SMAD7: variants seen among roughly 807,000 people sequenced by gnomAD.
SMAD7 encodes the protein SMAD family member 7.
In SMAD7, 8 loss-of-function variants were observed where a neutral mutation model predicts 38.7. The observed-to-expected ratio is 0.21, with a 90% CI of 0.12 to 0.37. The LOEUF is 0.37. SMAD7 is among the 10% of genes least tolerant of loss of function. The probability of loss-of-function intolerance (pLI) is 1.00; values close to 1 mark genes in which losing one functional copy is unlikely to be tolerated. For synonymous variants in SMAD7, 327 were observed against 265.1 expected, an observed-to-expected ratio of 1.23 and a Z score of -2.27; for missense variants, 477 against 577.9, an observed-to-expected ratio of 0.83 and a Z score of 1.79.
intron 3 of SMAD7, among the ~76,000 whole-genome samples, chr18:48,938,121 A>G (rs1025215403): frequency 1.3e-5 from 2 of 152,240 alleles, no homozygotes; most frequent in Non-Finnish European, 2.9e-5. Context: ...TTTGAGCCCA[A>G]GTCAACTGTG....
Position 48,927,968 on chromosome 18 carries a change from G to T in SMAD7, c.743-6058C>A, listed in dbSNP as rs371529903. ...CAATTCAAGCCCAGAATATTGCCTG[G>T]TGTGAGCTGTGGACACAGGCCTCTA... On this transcript the variant is annotated intron_variant, in intron 3 of 3. Coordinates refer to ENST00000262158, the MANE Select transcript of SMAD7 (RefSeq NM_005904.4). Among the ~76,000 whole-genome samples the T allele has an allele frequency of 1.8e-4, 28 of 152,328 alleles. No individual in the cohort carries two copies. The East Asian group carries it at 2.7e-3, about 15-fold the overall frequency.
intron 3 of SMAD7, chr18:48,933,501 A>G (rs2070027260): frequency 6.6e-6 from 1 of 152,468 alleles, no homozygotes; most frequent in Non-Finnish European, 1.5e-5. Context: ...TATTTGCTCC[A>G]TAAACAAACC....
Position 48,950,131 on chromosome 18 carries a change from C to G in SMAD7, c.294G>C (p.Ser98=). 2.7e-6 allele frequency: 4 copies of G among 1,495,338 alleles called. No individual in the cohort carries two copies. Among genetic ancestry groups the G allele is most frequent in the East Asian group, 2.9e-5 (1 of 34,432 alleles). The allele number at this position is 1,495,338 out of a possible 1,614,324, so 92.6% of individuals were successfully genotyped here. A position where few individuals can be genotyped will look rare whatever the true frequency, so the allele number is the denominator to read the frequency against. The part of the protein sequence containing the change: ...AEADLKALTH[S]VLKKLKERQL... ...GCCGCTCCTTCAGTTTCTTGAGCAC[C>G]GAGTGCGTGAGCGCCTTCAGATCCG... The change falls in exon 1 of 4, where the codon TCG becomes TCC. Residue 98 remains serine (S), a synonymous_variant. Transcript: ENST00000262158.
intron 3 of SMAD7, among the ~76,000 whole-genome samples, chr18:48,940,626 C>T (rs1305591039): frequency 6.6e-6 from 1 of 152,154 alleles, no homozygotes; most frequent in Non-Finnish European, 1.5e-5. Context: ...GTGGTGGATG[C>T]CTGTAATCCC....
intron 2 of SMAD7, among the ~76,000 whole-genome samples, chr18:48,945,853 A>G (rs1260213028): frequency 6.6e-6 from 1 of 152,174 alleles, no homozygotes; most frequent in Non-Finnish European, 1.5e-5. Flanking sequence ...AGCTTTAAAC[A>G]GCAAATTCTG....
intron 3 of SMAD7, among the ~76,000 whole-genome samples, chr18:48,933,015 AC>A (rs897194870): frequency 3.3e-5 from 5 of 152,114 alleles, no homozygotes; most frequent in Non-Finnish European, 7.4e-5. Flanking sequence ...TGCCCCAGGT[AC>A]TACCAGGGTC....
intron 3 of SMAD7, among the ~76,000 whole-genome samples, chr18:48,938,117 C>T (rs1012826963): frequency 6.6e-6 from 1 of 152,196 alleles, no homozygotes; most frequent in Non-Finnish European, 1.5e-5. Context: ...TTGGTTTGAG[C>T]CCAAGTCAAC....
chr18:48,946,251 A>C (rs12956326), intron 2 of SMAD7, among the ~76,000 whole-genome samples: 29,440 of 152,128 alleles, frequency 0.19, 3,603 homozygotes, highest in Non-Finnish European at 0.27. Flanking sequence ...AAGACCAAAA[A>C]TTCAACCTAA....
intron 3 of SMAD7, 139 bp from the exon 4 acceptor site, chr18:48,922,049 G>C: frequency 2.9e-6 from 2 of 687,356 alleles, no homozygotes; most frequent in Non-Finnish European, 4.8e-6. Context: ...GGTGAGGCTA[G>C]TCCTGGACTT....
intron 1 of SMAD7, among the ~76,000 whole-genome samples, chr18:48,948,688 A>G (rs991377699): frequency 1.8e-4 from 27 of 152,222 alleles, no homozygotes; most frequent in African/African-American, 6.0e-4. Flanking sequence ...GCCCGGCTGG[A>G]AACCACCGGC....
Position 48,950,379 on chromosome 18 carries a change from T to C in SMAD7, c.46A>G (p.Ser16Gly). ...RSALVRRLWR[S>G]RAPGGEDEEE... Reference sequence around the variant, plus strand: ...TCGTCCTCGCCGCCGGGCGCACGGCTCCTCCAGAGACGCCGGACGAGCGCA... The same window carrying C: ...TCGTCCTCGCCGCCGGGCGCACGGCCCCTCCAGAGACGCCGGACGAGCGCA... Residue 16 changes from serine to glycine, a missense_variant, in exon 1 of 4, where the codon AGC (serine) becomes GGC (glycine). By Grantham distance (56) the Ser-to-Gly change is moderately conservative. Coordinates refer to ENST00000262158, the MANE Select transcript of SMAD7 (RefSeq NM_005904.4). 1 of 1,544,504 alleles carries C rather than the reference T, an allele frequency of 6.5e-7. No individual in the cohort carries two copies. Among genetic ancestry groups the C allele is most frequent in the Non-Finnish European group, 8.7e-7 (1 of 1,145,476 alleles).
chr18:48,935,602 T>A (rs1266235395), intron 3 of SMAD7, among the ~76,000 whole-genome samples: 1 of 152,140 alleles, frequency 6.6e-6, no homozygotes, highest in East Asian at 1.9e-4. Context: ...TGGTTCGCAG[T>A]CACTGGGATG....
intron 3 of SMAD7, among the ~76,000 whole-genome samples, chr18:48,925,804 T>C (rs61552914): frequency 0.02 from 3,013 of 152,114 alleles, 103 homozygotes; most frequent in African/African-American, 0.067. Flanking sequence ...TGGAGTGCAG[T>C]GGCACAATCT....
At chr18:48,927,050 G>C (rs1271071334) in intron 3 of SMAD7, among the ~76,000 whole-genome samples, 2 of 152,176 alleles carry the variant, frequency 1.3e-5, no homozygotes, top group Admixed American at 1.3e-4. Flanking sequence ...TTAAGGGGCT[G>C]TCTCTAATCC....
chr18:48,949,370 C>T (rs1599238249), intron 1 of SMAD7: 2 of 635,868 alleles, frequency 3.1e-6, no homozygotes, highest in Non-Finnish European at 3.9e-6. Context: ...GCCTTTATAG[C>T]ACGCCTCTCC....
intron 2 of SMAD7, among the ~76,000 whole-genome samples, chr18:48,946,729 A>G (rs931650012): frequency 1.3e-5 from 2 of 152,122 alleles, no homozygotes; most frequent in Non-Finnish European, 2.9e-5. Context: ...ACCTAATGTC[A>G]ACACTTGCTA....
At chr18:48,922,707 T>C (rs534650894) in intron 3 of SMAD7, among the ~76,000 whole-genome samples, 12 of 151,976 alleles carry the variant, frequency 7.9e-5, no homozygotes, top group Non-Finnish European at 1.2e-4. Context: ...GAAGATTATG[T>C]GTCTCAAATA....
At chr18:48,935,527 G>A (rs2070054287) in intron 3 of SMAD7, among the ~76,000 whole-genome samples, 1 of 152,204 alleles carries the variant, frequency 6.6e-6, no homozygotes, top group Non-Finnish European at 1.5e-5. Context: ...CACAGGGACT[G>A]GGGTCTCCAG....
intron 2 of SMAD7, among the ~76,000 whole-genome samples, chr18:48,947,272 C>A (rs555534333): frequency 5.3e-5 from 8 of 152,164 alleles, no homozygotes; most frequent in Non-Finnish European, 1.0e-4. Context: ...TGGTAGAGTC[C>A]CAGGAGGACT....
Sources: gnomAD v4.1 joint callset for allele counts (sites outside exome capture counted in the v4.1 genomes callset) on GRCh38, gnomAD v4.1.1 for gene constraint, MANE v1.5 for transcripts, NCBI Gene and HGNC (gene_info 2026-07-23, HGNC 2026-07-21) for gene names.